Variants in CMSS1 observed in about 807,000 individuals in gnomAD.
CMSS1 encodes the protein protein CMSS1.
In CMSS1, 33 loss-of-function variants were observed where a neutral mutation model predicts 43.5. The ratio of observed to expected loss-of-function variants is 0.76; its 90% CI spans 0.57 to 1.01. The LOEUF is 1.01. Ranked by LOEUF, CMSS1 falls within the 50% of genes least tolerant of loss-of-function variation. The pLI is 0.00. For synonymous variants in CMSS1, 115 were observed against 117.2 expected (o/e 0.98, Z 0.12); for missense variants, 313 against 326.4 (o/e 0.96, Z 0.32).
At chr3:100,156,654 C>T (rs1296586382) in intron 2 of CMSS1, among the ~76,000 whole-genome samples, 4 of 151,486 alleles carry the variant, frequency 2.6e-5, no homozygotes, top group Non-Finnish European at 4.4e-5. Context: ...CTCGCTCTGT[C>T]GCCCGGGCTG....
At chr3:100,087,173 G>C (rs1222533942) in intron 1 of CMSS1, among the ~76,000 whole-genome samples, 1 of 152,220 alleles carries the variant, frequency 6.6e-6, no homozygotes, top group African/African-American at 2.4e-5. Context: ...TTCACGTACA[G>C]GTTTTAAGTG....
Position 100,178,514 on chromosome 3 carries a change from A to G in CMSS1, c.*126A>G. 3 of 594,890 alleles carry G rather than the reference A, an allele frequency of 5.0e-6. No individual in the cohort carries two copies. The highest frequency in any genetic ancestry group is 5.7e-5 in the East Asian group (2 of 35,002). The allele number at this position is 594,890 out of a possible 1,614,324, so 36.9% of individuals were successfully genotyped here. A position where few individuals can be genotyped will look rare whatever the true frequency, so the allele number is the denominator to read the frequency against. On this transcript the variant is annotated 3_prime_UTR_variant, in exon 10 of 10. Coordinates refer to ENST00000421999, the MANE Select transcript of CMSS1 (RefSeq NM_032359.4). ...TTATGTTAATTGTGTCAACAGATGGATCACTGGAATGTGGGGATTCTGAAA... is the reference window on the plus strand; with the variant it reads ...TTATGTTAATTGTGTCAACAGATGGGTCACTGGAATGTGGGGATTCTGAAA...
intron 1 of CMSS1, among the ~76,000 whole-genome samples, chr3:100,146,193 G>A (rs898241379): frequency 2.0e-5 from 3 of 152,310 alleles, no homozygotes; most frequent in South Asian, 2.1e-4. Context: ...TCTGGTCACC[G>A]TGTTTCTTCA....
At chr3:99,943,626 C>T (rs1401293504) in intron 1 of CMSS1, among the ~76,000 whole-genome samples, 1 of 152,062 alleles carries the variant, frequency 6.6e-6, no homozygotes, top group Non-Finnish European at 1.5e-5. Context: ...ATCGCTTGAA[C>T]CCGGGAGGTG....
intron 1 of CMSS1, chr3:99,848,487 G>A (rs755559496): frequency 1.2e-6 from 2 of 1,614,096 alleles, no homozygotes; most frequent in East Asian, 2.2e-5. Flanking sequence ...CTAAGTGAAT[G>A]TGGATTTTAT....
intron 1 of CMSS1, among the ~76,000 whole-genome samples, chr3:100,084,430 G>A (rs866402938): frequency 3.3e-5 from 5 of 152,054 alleles, no homozygotes; most frequent in South Asian, 4.2e-4. Context: ...TCACATTTTG[G>A]GCTTACTTTC....
intron 1 of CMSS1, among the ~76,000 whole-genome samples, chr3:100,053,677 C>G (rs1235698249): frequency 6.6e-6 from 1 of 152,186 alleles, no homozygotes; most frequent in Non-Finnish European, 1.5e-5. Flanking sequence ...AAGAATCTTA[C>G]TACATTCTCT....
intron 1 of CMSS1, among the ~76,000 whole-genome samples, chr3:99,935,515 G>A (rs1201820422): frequency 1.3e-5 from 2 of 152,304 alleles, no homozygotes; most frequent in East Asian, 3.9e-4. Flanking sequence ...GCCAGGGTCT[G>A]TGTTGTTGCT....
chr3:99,972,818 T>C (rs1407432925), intron 1 of CMSS1, among the ~76,000 whole-genome samples: 2 of 152,232 alleles, frequency 1.3e-5, no homozygotes, highest in African/African-American at 4.8e-5. Context: ...GAAAATTCCA[T>C]CACTTGGCAT....
intron 1 of CMSS1, among the ~76,000 whole-genome samples, chr3:99,897,000 T>C (rs931934893): frequency 6.6e-6 from 1 of 152,214 alleles, no homozygotes; most frequent in African/African-American, 2.4e-5. Flanking sequence ...CTAGAGAGAA[T>C]GATTTGTTTC....
chr3:99,944,367 C>T (rs1707943651), intron 1 of CMSS1, among the ~76,000 whole-genome samples: 1 of 152,084 alleles, frequency 6.6e-6, no homozygotes, highest in South Asian at 2.1e-4. Flanking sequence ...TACAGCTGTT[C>T]CAAAAAAGAT....
chr3:100,125,026 A>G (rs1380812494), intron 1 of CMSS1, among the ~76,000 whole-genome samples: 1 of 152,134 alleles, frequency 6.6e-6, no homozygotes, highest in Non-Finnish European at 1.5e-5. Context: ...TGTTCACAGT[A>G]CTTGCATTAT....
chr3:99,848,122 C>T, intron 1 of CMSS1: 1 of 1,468,766 alleles, frequency 6.8e-7, no homozygotes, highest in South Asian at 1.5e-5. Flanking sequence ...ACTATGCAGG[C>T]AACAGTTAGT....
At chr3:100,156,824 C>A (rs1202061170) in intron 2 of CMSS1, among the ~76,000 whole-genome samples, 1 of 149,482 alleles carries the variant, frequency 6.7e-6, no homozygotes, top group African/African-American at 2.5e-5. Flanking sequence ...ACCATGTTAG[C>A]CAGAATGGTC....
At chr3:100,144,171 A>G (rs1359034462) in intron 1 of CMSS1, among the ~76,000 whole-genome samples, 3 of 152,198 alleles carry the variant, frequency 2.0e-5, no homozygotes, top group South Asian at 4.2e-4. Flanking sequence ...TTGGTCCCCT[A>G]TCTTCCTATG....
intron 1 of CMSS1, among the ~76,000 whole-genome samples, chr3:100,118,805 T>C (rs781400133): frequency 2.0e-4 from 31 of 152,170 alleles, no homozygotes; most frequent in East Asian, 7.7e-4. Flanking sequence ...AGGGAATGTA[T>C]TGGGCTGACT....
chr3:99,823,953 C>T (rs1204273931), intron 1 of CMSS1, among the ~76,000 whole-genome samples: 5 of 148,024 alleles, frequency 3.4e-5, no homozygotes, highest in African/African-American at 1.0e-4. Flanking sequence ...GCTGGAGTCT[C>T]GCCCTGTCAC....
At chr3:100,092,658 A>G (rs1448347745) in intron 1 of CMSS1, among the ~76,000 whole-genome samples, 1 of 147,198 alleles carries the variant, frequency 6.8e-6, no homozygotes, top group Non-Finnish European at 1.5e-5. Flanking sequence ...GGTATCTAGT[A>G]TGCACTGAGC....
chr3:99,912,331 A>G (rs571340289), intron 1 of CMSS1, among the ~76,000 whole-genome samples: 2 of 152,276 alleles, frequency 1.3e-5, no homozygotes, highest in South Asian at 2.1e-4. Context: ...AGTGGTTTCT[A>G]GCGGCTGTAG....
Sources: gnomAD v4.1 joint callset for allele counts (sites outside exome capture counted in the v4.1 genomes callset) on GRCh38, gnomAD v4.1.1 for gene constraint, MANE v1.5 for transcripts, NCBI Gene and HGNC (gene_info 2026-07-23, HGNC 2026-07-21) for gene names.